The following NUP107 variants were observed in gnomAD, a reference collection of about 807,000 sequenced individuals.
NUP107 encodes nuclear pore complex protein Nup107.
A neutral mutation model predicts 141.0 loss-of-function variants in NUP107; 101 were observed. The observed-to-expected ratio is 0.72, with a 90% CI of 0.61 to 0.84. The LOEUF is 0.84. Among genes scored for constraint, NUP107 ranks in the 40% least tolerant of loss-of-function variants. NUP107 has a pLI of 0.00. For synonymous variants in NUP107, 319 were observed against 363.9 expected, an observed-to-expected ratio of 0.88 and a Z score of 1.41; for missense variants, 941 against 1,102.7, an observed-to-expected ratio of 0.85 and a Z score of 2.08.
At chr12:68,738,554 A>G (rs10878863) in intron 26 of NUP107, among the ~76,000 whole-genome samples, 47,913 of 151,940 alleles carry the variant, frequency 0.32, 7,650 homozygotes, top group Middle Eastern at 0.35. Context: ...TTTCAGCCCC[A>G]CTTACTTGCT....
intron 20 of NUP107, among the ~76,000 whole-genome samples, chr12:68,728,467 G>A (rs1262244042): frequency 6.5e-5 from 8 of 123,960 alleles, no homozygotes; most frequent in African/African-American, 1.5e-4. Flanking sequence ...GCTGTCACCC[G>A]GGCTGGAGTG....
intron 7 of NUP107, 113 bp from the exon 8 acceptor site, chr12:68,702,622 TA>T (rs1876384358): frequency 1.2e-5 from 8 of 675,954 alleles, no homozygotes; most frequent in African/African-American, 9.6e-5. Context: ...AAATAAATAA[TA>T]AAAAATTTTT....
chr12:68,702,640 A>G, intron 7 of NUP107, 96 bp from the exon 8 acceptor site: 1 of 797,396 alleles, frequency 1.3e-6, no homozygotes, highest in Non-Finnish European at 2.0e-6. Context: ...TTTTAAAAAG[A>G]AGTTAGCCAA....
chr12:68,696,963 T>C, intron 6 of NUP107, 41 bp downstream of exon 6: 3 of 1,275,478 alleles, frequency 2.4e-6, no homozygotes, highest in Non-Finnish European at 3.4e-6. Context: ...ACTTCAGTAT[T>C]TTTAGTTTTC....
intron 18 of NUP107, 102 bp downstream of exon 18, chr12:68,725,898 T>C: frequency 1.6e-6 from 1 of 635,560 alleles, no homozygotes; most frequent in South Asian, 1.9e-5. Flanking sequence ...GTGCAGTGGC[T>C]CAGTCTCAGC....
chr12:68,741,824 A>G lies in NUP107; in HGVS notation c.2514A>G (p.Glu838=). The change falls in exon 27 of 28, where the codon GAA becomes GAG. Residue 838 remains glutamate, a synonymous_variant. Transcript: ENST00000229179. ...WMVDVREDAK[E]DHERTHQMVL... ...ATGTCTGTTTGTAGGATGCCAAAGA[A>G]GACCATGAAAGAACACATCAAATGG... The G allele has an allele frequency of 1.2e-6, 2 of 1,611,340 alleles. No homozygotes were observed. The highest frequency in any genetic ancestry group is 1.7e-4 in the Middle Eastern group (1 of 6,042).
At chr12:68,713,870 G>C in intron 11 of NUP107, 62 bp downstream of exon 11, 1 of 1,329,916 alleles carries the variant, frequency 7.5e-7, no homozygotes. Flanking sequence ...TTCAGGCTGA[G>C]AATTTTTTCT....
chr12:68,707,267 C>T (rs144096822), intron 8 of NUP107, among the ~76,000 whole-genome samples: 6 of 151,390 alleles, frequency 4.0e-5, no homozygotes, highest in African/African-American at 7.3e-5. Flanking sequence ...TTTTTTTTTC[C>T]AAAATAAAAC....
chr12:68,692,844 G>A (rs780599004), intron 5 of NUP107, among the ~76,000 whole-genome samples: 2 of 150,496 alleles, frequency 1.3e-5, no homozygotes, highest in Non-Finnish European at 2.9e-5. Context: ...CCGCCTCCCA[G>A]GTTTAAATGA....
At position 68,733,296 on chromosome 12, in the gene NUP107, A is replaced by G. The variant is rs565715094; in HGVS notation, c.2102-156A>G. 6.4e-4 allele frequency among the ~76,000 whole-genome samples: 98 copies of G among 152,356 alleles called. 1 individual carries two copies. In the South Asian group the frequency reaches 0.016, roughly 25 times the overall value. On this transcript the variant is annotated intron_variant, in intron 23 of 27. Transcript: ENST00000229179. The stretch of plus-strand genomic sequence containing the variant: ...CATTGAGATACGAAAAAGCCAGTCT[A>G]TCAGGTAGAAAGATCACCAAGACCT...
rs779307054 is a variant in NUP107, at chr12:68,719,566, G to A, written c.1175-12G>A. 2 of 1,601,990 alleles carry A rather than the reference G, an allele frequency of 1.2e-6. No individual in the cohort carries two copies. The highest frequency in any genetic ancestry group is 2.7e-5 in the African/African-American group (2 of 74,494). On this transcript the variant is annotated splice_polypyrimidine_tract_variant and intron_variant, in intron 13 of 27. Transcript: ENST00000229179. ...TATTTTAAACCAGAAATTTTCTTTTGCTATTTTATAGGAACAGAATTAGAA... is the reference window on the plus strand; with the variant it reads ...TATTTTAAACCAGAAATTTTCTTTTACTATTTTATAGGAACAGAATTAGAA...
chr12:68,741,744 C>A, intron 26 of NUP107, 69 bp from the exon 27 acceptor site: 1 of 1,449,700 alleles, frequency 6.9e-7, no homozygotes, highest in Non-Finnish European at 9.4e-7. Flanking sequence ...TGATTCAGTA[C>A]CTGGCTTTTC....
At chr12:68,688,031 T>TG (rs1478712679) in intron 1 of NUP107, among the ~76,000 whole-genome samples, 1 of 152,038 alleles carries the variant, frequency 6.6e-6, no homozygotes, top group East Asian at 1.9e-4. Flanking sequence ...TGCTAGGATA[T>TG]GAAAAAAAAG....
In NUP107 at chr12:68,745,668, A is replaced by C. The variant is rs1029305386; in HGVS notation, c.*3206A>C. ...CATTGTCAAGGGGACATCTTTAGAG[A>C]ACACATTTTCTCACTGTTGAGCTAA... On this transcript the variant is annotated 3_prime_UTR_variant, in exon 28 of 28. Coordinates refer to ENST00000229179, the MANE Select transcript of NUP107 (RefSeq NM_020401.4). The C allele has an allele frequency of 4.6e-5, 7 of 152,226 alleles. No homozygotes were observed. The highest frequency in any genetic ancestry group is 8.8e-5 in the Non-Finnish European group (6 of 68,040). The allele number at this position is 152,226 out of a possible 1,614,324, so 9.4% of individuals were successfully genotyped here. A position where few individuals can be genotyped will look rare whatever the true frequency, so the allele number is the denominator to read the frequency against.
intron 5 of NUP107, 130 bp downstream of exon 5, chr12:68,692,242 T>A: frequency 2.1e-6 from 2 of 958,462 alleles, no homozygotes; most frequent in Non-Finnish European, 3.0e-6. Context: ...CTTGAGAGAG[T>A]AGCTTAAACA....
rs753672459 is a variant in NUP107, at chr12:68,735,352, G to A, written c.2502+8G>A. On this transcript the variant is annotated splice_region_variant and intron_variant, in intron 26 of 27. Transcript: ENST00000229179. ...ATGGTGGATGTTAGAGAGGTAAGCTGTGTGCATTGTTTATAGCCAAAAACC... is the reference window on the plus strand; with the variant it reads ...ATGGTGGATGTTAGAGAGGTAAGCTATGTGCATTGTTTATAGCCAAAAACC... 2 of 1,602,820 alleles carry A rather than the reference G, an allele frequency of 1.2e-6. No homozygotes were observed. Among genetic ancestry groups the A allele is most frequent in the Non-Finnish European group, 1.7e-6 (2 of 1,169,860 alleles).
chr12:68,693,198 C>T (rs1875901188), intron 5 of NUP107, among the ~76,000 whole-genome samples: 1 of 151,984 alleles, frequency 6.6e-6, no homozygotes. Context: ...CTGCCTCAGT[C>T]TCCTGAGTAG....
At chr12:68,692,193 G>T in intron 5 of NUP107, 81 bp downstream of exon 5, 1 of 1,320,052 alleles carries the variant, frequency 7.6e-7, no homozygotes, top group Non-Finnish European at 1.0e-6. Flanking sequence ...GTTTCTGAAC[G>T]TCATTATGTT....
At chr12:68,719,301 C>G in intron 12 of NUP107, 40 bp from the exon 13 acceptor site, 2 of 1,468,738 alleles carry the variant, frequency 1.4e-6, no homozygotes, top group Non-Finnish European at 1.9e-6. Flanking sequence ...CTATAAAGCA[C>G]CCTGGTTATT....
Sources: gnomAD v4.1 joint callset for allele counts (sites outside exome capture counted in the v4.1 genomes callset) on GRCh38, gnomAD v4.1.1 for gene constraint, MANE v1.5 for transcripts, NCBI Gene and HGNC (gene_info 2026-07-23, HGNC 2026-07-21) for gene names.